Variants in AKAP13 observed in about 807,000 individuals in gnomAD.
AKAP13 encodes A-kinase anchor protein 13.
In AKAP13, 80 loss-of-function variants were observed where a neutral mutation model predicts 264.5. The ratio of observed to expected loss-of-function variants is 0.30; its 90% CI spans 0.25 to 0.36. The LOEUF is 0.36. AKAP13 is among the 10% of genes least tolerant of loss of function. The probability of loss-of-function intolerance (pLI) is 1.00; values close to 1 mark genes in which losing one functional copy is unlikely to be tolerated. For missense variants in AKAP13, 3,712 were observed against 3,435.2 expected, an observed-to-expected ratio of 1.08 and a Z score of -2.01; for synonymous variants, 1,380 against 1,250.2, an observed-to-expected ratio of 1.10 and a Z score of -2.19.
At chr15:85,553,368 A>G (rs2078032450) in intron 5 of AKAP13, among the ~76,000 whole-genome samples, 1 of 152,150 alleles carries the variant, frequency 6.6e-6, no homozygotes, top group South Asian at 2.1e-4. Flanking sequence ...GATTACAGGC[A>G]TGAGCCACCG....
chr15:85,483,053 T>TC (rs1179704627), intron 1 of AKAP13, among the ~76,000 whole-genome samples: 4 of 152,212 alleles, frequency 2.6e-5, no homozygotes, highest in Middle Eastern at 3.2e-3. Flanking sequence ...AGTTTATAAT[T>TC]CCGAACAGTT....
intron 8 of AKAP13, among the ~76,000 whole-genome samples, chr15:85,637,697 G>A (rs1201586647): frequency 1.3e-5 from 2 of 151,860 alleles, no homozygotes; most frequent in Non-Finnish European, 2.9e-5. Flanking sequence ...AGTTTCATAA[G>A]GTAGAAGTTT....
rs2088861054 is a variant in AKAP13 at position 85,740,342 on chromosome 15, T to C, written c.7608+70T>C. The C allele has an allele frequency of 2.5e-6, 4 of 1,570,222 alleles. No individual in the cohort carries two copies. The South Asian group carries it at 4.5e-5, about 17-fold the overall frequency. ...ACAGCAGCTTGGGGCTGTTGTTGACTTGGATCTTTGAGGTTTGCAGGATGT... is the reference window on the plus strand; with the variant it reads ...ACAGCAGCTTGGGGCTGTTGTTGACCTGGATCTTTGAGGTTTGCAGGATGT... On this transcript the variant is annotated intron_variant, in intron 34 of 36. Transcript: ENST00000394518.
chr15:85,499,226 T>C (rs563862998), intron 2 of AKAP13, among the ~76,000 whole-genome samples: 4 of 152,338 alleles, frequency 2.6e-5, no homozygotes, highest in Admixed American at 2.6e-4. Context: ...CAGGGTTGGG[T>C]ATCTCTTTGT....
At chr15:85,405,164 G>C (rs2071605204) in intron 1 of AKAP13, among the ~76,000 whole-genome samples, 1 of 151,936 alleles carries the variant, frequency 6.6e-6, no homozygotes, top group South Asian at 2.1e-4. Flanking sequence ...GTTTTGTCTT[G>C]GTGTCTTGTT....
chr15:85,702,272 A>ACAC (rs2085970364), intron 17 of AKAP13: 1 of 141,332 alleles, frequency 7.1e-6, no homozygotes, highest in Non-Finnish European at 1.6e-5. Context: ...CACACACACA[A>ACAC]AAGGAGTGAA....
intron 26 of AKAP13, among the ~76,000 whole-genome samples, chr15:85,723,877 A>G (rs997759424): frequency 6.6e-6 from 1 of 152,278 alleles, no homozygotes; most frequent in Non-Finnish European, 1.5e-5. Context: ...AAAATAAATC[A>G]TAAAGGATGC....
At chr15:85,623,786 TC>T (rs1247977336) in intron 8 of AKAP13, among the ~76,000 whole-genome samples, 1 of 152,238 alleles carries the variant, frequency 6.6e-6, no homozygotes, top group Non-Finnish European at 1.5e-5. Context: ...TATATGACAT[TC>T]CCCCAGTTCT....
Position 85,735,594 on chromosome 15 carries a change from T to A in AKAP13, c.7476T>A (p.Asp2492Glu). ...GEKEEGDDGQ[D>E]LRRTESDSGL... ...AGGAAGAGGGAGATGATGGCCAAGATCTTAGGAGAACGGAATCAGATAGTG... is the reference window on the plus strand; with the variant it reads ...AGGAAGAGGGAGATGATGGCCAAGAACTTAGGAGAACGGAATCAGATAGTG... The change falls in exon 32 of 37, where the codon GAT becomes GAA. Residue 2492 changes from aspartate (D) to glutamate (E), a missense_variant. Physicochemically the swap from Asp to Glu is conservative, Grantham distance 45. Transcript: ENST00000394518. 1 of 1,613,446 alleles carries A rather than the reference T, an allele frequency of 6.2e-7. No homozygotes were observed. Among genetic ancestry groups the A allele is most frequent in the Non-Finnish European group, 8.5e-7 (1 of 1,179,816 alleles).
intron 10 of AKAP13, among the ~76,000 whole-genome samples, chr15:85,650,788 A>AAAAAAAAAAAAAC (rs2082790363): frequency 8.0e-6 from 1 of 125,048 alleles, no homozygotes; most frequent in Non-Finnish European, 1.7e-5. Flanking sequence ...AAAAAAAAAA[A>AAAAAAAAAAAAAC]AACAACAAAA....
chr15:85,688,782 G>A (rs764154953), intron 16 of AKAP13, among the ~76,000 whole-genome samples: 2 of 152,212 alleles, frequency 1.3e-5, no homozygotes, highest in African/African-American at 2.4e-5. Flanking sequence ...ACTGGCATAA[G>A]TGATTAGATT....
chr15:85,582,102 C>T lies in AKAP13; in HGVS notation c.4034C>T (p.Ala1345Val). The change falls in exon 7 of 37, where the codon GCA (alanine) becomes GTA (valine). Residue 1345 changes from alanine (A) to valine (V), a missense_variant. By Grantham distance (64) the Ala-to-Val change is moderately conservative. This residue lies in a region of AKAP13 where 2,759 missense variants were observed against 2,411.7 expected (regional missense o/e 1.14). Coordinates refer to ENST00000394518, the MANE Select transcript of AKAP13 (RefSeq NM_007200.5). ...IILPVQGPEP[A>V]AEMPDVKAED... ...TTACCTGTCCAGGGGCCTGAGCCAG[C>T]AGCAGGTAAGCAAAACATAATACAA... 1 of 1,588,934 alleles carries T rather than the reference C, an allele frequency of 6.3e-7. No homozygotes were observed. The highest frequency in any genetic ancestry group is 1.8e-5 in the Admixed American group (1 of 56,572).
At chr15:85,693,486 A>G in intron 17 of AKAP13, 35 bp downstream of exon 17, 1 of 1,603,766 alleles carries the variant, frequency 6.2e-7, no homozygotes, top group Non-Finnish European at 8.5e-7. Flanking sequence ...GTAAGATGGA[A>G]CTCTCTTGGC....
intron 4 of AKAP13, among the ~76,000 whole-genome samples, chr15:85,540,255 A>G (rs965331603): frequency 1.8e-4 from 28 of 152,190 alleles, no homozygotes; most frequent in Admixed American, 5.2e-4. Flanking sequence ...GCTGTCCTCC[A>G]CAGGTGGAAT....
chr15:85,652,993 C>G (rs2082930052), intron 10 of AKAP13, among the ~76,000 whole-genome samples: 1 of 152,166 alleles, frequency 6.6e-6, no homozygotes, highest in Admixed American at 6.5e-5. Flanking sequence ...TGAGAAGGAC[C>G]TGTATCTGAG....
chr15:85,445,325 T>G (rs1207929082), intron 1 of AKAP13, among the ~76,000 whole-genome samples: 2 of 152,208 alleles, frequency 1.3e-5, no homozygotes, highest in Non-Finnish European at 1.5e-5. Context: ...TTTCGAGAGC[T>G]CACAGTGGGA....
intron 1 of AKAP13, among the ~76,000 whole-genome samples, chr15:85,456,288 A>T (rs929641508): frequency 2.6e-5 from 4 of 152,128 alleles, no homozygotes; most frequent in African/African-American, 9.7e-5. Context: ...ATTTTTAGTT[A>T]AACAGACCTT....
At position 85,580,271 on chromosome 15, in the gene AKAP13, A is replaced by G. The variant is rs1251172751; in HGVS notation, c.2203A>G (p.Lys735Glu). ...GGAACGTGCGGATTTTTGTCCTTTC[A>G]AAGTGGTGGATAACAAAGGCCAACG... ...TQERADFCPFKVVDNKGQRKD... is the reference protein window; with the variant it reads ...TQERADFCPFEVVDNKGQRKD... The change falls in exon 7 of 37, where the codon AAA becomes GAA. Residue 735 changes from lysine to glutamate, a missense_variant. Transcript: ENST00000394518. 3 of 1,614,096 alleles carry G rather than the reference A, an allele frequency of 1.9e-6. No individual in the cohort carries two copies. The African/African-American group carries it at 4.0e-5, about 22-fold the overall frequency.
chr15:85,695,924 T>A (rs941502818), intron 17 of AKAP13, among the ~76,000 whole-genome samples: 5 of 152,234 alleles, frequency 3.3e-5, no homozygotes, highest in African/African-American at 1.2e-4. Flanking sequence ...TTTTTAGCCA[T>A]TGGACACAGT....
Sources: gnomAD v4.1 joint callset for allele counts (sites outside exome capture counted in the v4.1 genomes callset) on GRCh38, gnomAD v4.1.1 for gene constraint, gnomAD v4.1.1 regional missense constraint, MANE v1.5 for transcripts, NCBI Gene and HGNC (gene_info 2026-07-23, HGNC 2026-07-21) for gene names.